The following TRABD2B variants were observed in gnomAD, a reference collection of about 807,000 sequenced individuals.
TRABD2B encodes TraB domain containing 2B, also known as metalloprotease TIKI2.
In TRABD2B, 14 loss-of-function variants were observed where a neutral mutation model predicts 40.1. The observed-to-expected ratio is 0.35, with a 90% CI of 0.23 to 0.55. The LOEUF is 0.55. Ranked by LOEUF, TRABD2B falls within the 20% of genes least tolerant of loss-of-function variation. The pLI is 0.90. For synonymous variants in TRABD2B, 263 were observed against 277.0 expected, an observed-to-expected ratio of 0.95 and a Z score of 0.50; for missense variants, 541 against 648.6, an observed-to-expected ratio of 0.83 and a Z score of 1.80.
intron 2 of TRABD2B, among the ~76,000 whole-genome samples, chr1:47,941,974 C>T (rs1029106743): frequency 3.3e-5 from 5 of 152,222 alleles, no homozygotes; most frequent in Non-Finnish European, 5.9e-5. Context: ...CAATGGAATA[C>T]CATTGTCAAA....
At chr1:47,900,456 T>C (rs1019428846) in intron 2 of TRABD2B, among the ~76,000 whole-genome samples, 3 of 152,148 alleles carry the variant, frequency 2.0e-5, no homozygotes, top group Non-Finnish European at 4.4e-5. Context: ...TGTATAATTA[T>C]CTTATCCTTA....
intron 2 of TRABD2B, among the ~76,000 whole-genome samples, chr1:47,975,746 C>T (rs1281900667): frequency 6.6e-6 from 1 of 152,308 alleles, no homozygotes; most frequent in African/African-American, 2.4e-5. Flanking sequence ...CAAGACTCTT[C>T]TAAGGGGTCA....
chr1:47,973,909 G>A (rs1645717380), intron 2 of TRABD2B, among the ~76,000 whole-genome samples: 1 of 152,174 alleles, frequency 6.6e-6, no homozygotes, highest in South Asian at 2.1e-4. Flanking sequence ...TTCGAGACCA[G>A]CCTGGGCAAG....
chr1:47,855,502 G>C (rs758147854), intron 2 of TRABD2B, among the ~76,000 whole-genome samples: 1 of 152,190 alleles, frequency 6.6e-6, no homozygotes, highest in Non-Finnish European at 1.5e-5. Context: ...GTTCTGATTT[G>C]CCTTTTTAAC....
intron 4 of TRABD2B, among the ~76,000 whole-genome samples, chr1:47,783,117 A>G (rs534886923): frequency 1.2e-4 from 19 of 152,230 alleles, no homozygotes; most frequent in Admixed American, 1.1e-3. Context: ...GGAGAAGAGC[A>G]GAGAGATACT....
At chr1:47,864,687 G>T (rs1479536189) in intron 2 of TRABD2B, among the ~76,000 whole-genome samples, 1 of 152,018 alleles carries the variant, frequency 6.6e-6, no homozygotes, top group Admixed American at 6.5e-5. Context: ...CTTCCTGGGA[G>T]CCTCTTCCAA....
At chr1:47,956,014 T>G (rs1008457880) in intron 2 of TRABD2B, among the ~76,000 whole-genome samples, 63 of 152,220 alleles carry the variant, frequency 4.1e-4, no homozygotes, top group African/African-American at 1.5e-3. Context: ...TGCCTGATCT[T>G]GCCAGTTTCC....
intron 2 of TRABD2B, among the ~76,000 whole-genome samples, chr1:47,936,075 C>G (rs143503222): frequency 6.6e-6 from 1 of 152,324 alleles, no homozygotes; most frequent in African/African-American, 2.4e-5. Context: ...GCACCTGGCA[C>G]ACAGGAGGGA....
intron 2 of TRABD2B, among the ~76,000 whole-genome samples, chr1:47,831,302 T>G (rs78077511): frequency 0.054 from 8,271 of 152,062 alleles, 322 homozygotes; most frequent in Admixed American, 0.099. Context: ...TCGGGAAAAA[T>G]GCAAGACTGC....
intron 2 of TRABD2B, among the ~76,000 whole-genome samples, chr1:47,976,716 T>C (rs1189802574): frequency 6.6e-6 from 1 of 152,170 alleles, no homozygotes; most frequent in Non-Finnish European, 1.5e-5. Context: ...TAGATAGGGA[T>C]GGAATTCTTT....
At chr1:47,950,249 C>T (rs1645322616) in intron 2 of TRABD2B, among the ~76,000 whole-genome samples, 2 of 151,842 alleles carry the variant, frequency 1.3e-5, no homozygotes, top group African/African-American at 2.4e-5. Context: ...CGGGCCACTG[C>T]ACTCCAGCTT....
At chr1:47,808,405 A>G (rs977916794) in intron 2 of TRABD2B, among the ~76,000 whole-genome samples, 1 of 152,190 alleles carries the variant, frequency 6.6e-6, no homozygotes, top group Non-Finnish European at 1.5e-5. Context: ...CTAATACAGA[A>G]TATGTTATAG....
chr1:47,774,139 C>G (rs1345395318), intron 6 of TRABD2B, among the ~76,000 whole-genome samples: 3 of 152,112 alleles, frequency 2.0e-5, no homozygotes, highest in Non-Finnish European at 4.4e-5. Context: ...GGCCCTTGTC[C>G]TACACATTCT....
At chr1:47,800,690 C>T (rs896775544) in intron 3 of TRABD2B, among the ~76,000 whole-genome samples, 1 of 152,182 alleles carries the variant, frequency 6.6e-6, no homozygotes, top group African/African-American at 2.4e-5. Context: ...GCACAAGGCC[C>T]TAGAGGTGCC....
chr1:47,958,849 G>C (rs1393471205), intron 2 of TRABD2B, among the ~76,000 whole-genome samples: 3 of 152,114 alleles, frequency 2.0e-5, no homozygotes, highest in Non-Finnish European at 4.4e-5. Context: ...ACTCAGCTCT[G>C]CACCAACCGG....
At chr1:47,770,526 T>C (rs575498976) in intron 6 of TRABD2B, among the ~76,000 whole-genome samples, 14 of 152,270 alleles carry the variant, frequency 9.2e-5, no homozygotes, top group Middle Eastern at 6.8e-3. Flanking sequence ...TAGCAGACCA[T>C]AGCTGGAAGG....
intron 2 of TRABD2B, among the ~76,000 whole-genome samples, chr1:47,860,577 T>C (rs149952383): frequency 6.6e-6 from 1 of 152,302 alleles, no homozygotes; most frequent in Non-Finnish European, 1.5e-5. Context: ...ACTTTTCTCC[T>C]CTGGGCCCCA....
At position 47,883,649 on chromosome 1, in the gene TRABD2B, A is replaced by T. The variant is rs542770883; in HGVS notation, c.667-82030T>A. Among the ~76,000 whole-genome samples the T allele has an allele frequency of 2.0e-5, 3 of 152,306 alleles. No homozygotes were observed. The South Asian group carries it at 6.2e-4, about 32-fold the overall frequency. ...GGTTAGCCAGACCCAGAATAAATAA[A>T]TGCCCCAGTGCATATGTACTGTCTT... On this transcript the variant is annotated intron_variant, in intron 2 of 6. Transcript: ENST00000606738.
intron 2 of TRABD2B, among the ~76,000 whole-genome samples, chr1:47,902,180 T>C (rs927918767): frequency 6.6e-6 from 1 of 152,212 alleles, no homozygotes; most frequent in Non-Finnish European, 1.5e-5. Flanking sequence ...GGACACGTGA[T>C]GTGCTCACTG....
Sources: allele counts gnomAD v4.1 joint callset (sites outside exome capture counted in the v4.1 genomes callset), GRCh38; gene constraint gnomAD v4.1.1; transcripts MANE v1.5; gene names NCBI Gene and HGNC (gene_info 2026-07-23, HGNC 2026-07-21).